The following SGCZ variants were observed in gnomAD, a reference collection of about 807,000 sequenced individuals.
SGCZ encodes zeta-sarcoglycan.
In SGCZ, 40 loss-of-function variants were observed where a neutral mutation model predicts 41.3. The ratio of observed to expected loss-of-function variants is 0.97; its 90% CI spans 0.75 to 1.26. The LOEUF (loss-of-function observed/expected upper bound fraction) is 1.26, where lower values mean the gene tolerates loss of function less well. Ranked by LOEUF, SGCZ falls within the 50% of genes most tolerant of loss-of-function variation. SGCZ has a pLI of 0.00. For synonymous variants in SGCZ, 206 were observed against 137.5 expected (o/e 1.50, Z -3.49); for missense variants, 552 against 369.8 (o/e 1.49, Z -4.04).
At chr8:14,578,178 G>A (rs577892441) in intron 1 of SGCZ, among the ~76,000 whole-genome samples, 1 of 152,184 alleles carries the variant, frequency 6.6e-6, no homozygotes, top group African/African-American at 2.4e-5. Context: ...GATAAAAAGA[G>A]AAATGGCAAA....
chr8:14,883,040 T>G (rs1804652693), intron 1 of SGCZ, among the ~76,000 whole-genome samples: 1 of 152,134 alleles, frequency 6.6e-6, no homozygotes, highest in Non-Finnish European at 1.5e-5. Flanking sequence ...CATAAAATAA[T>G]TTTTTGAAAA....
Position 14,085,019 on chromosome 8 carries a change from C to T in SGCZ, c.*5424G>A, listed in dbSNP as rs1265463680. 6.6e-6 allele frequency among the ~76,000 whole-genome samples: 1 copy of T among 151,696 alleles called. No homozygotes were observed. Among genetic ancestry groups the T allele is most frequent in the Non-Finnish European group, 1.5e-5 (1 of 67,814 alleles). On this transcript the variant is annotated 3_prime_UTR_variant, in exon 8 of 8. Transcript: ENST00000382080. ...AAGGTTTCCAATTGCCAAAACTTTG[C>T]TGCATTTTCTCTCCCCCAAAATATA... is the stretch of plus-strand genomic sequence containing the variant.
chr8:15,165,041 C>A lies in SGCZ; in HGVS notation c.39+72544G>T, dbSNP rs187438801. 1.7e-3 allele frequency among the ~76,000 whole-genome samples: 266 copies of A among 152,244 alleles called. 2 individuals carry two copies. Among genetic ancestry groups the A allele is most frequent in the Admixed American group, 0.015 (228 of 15,282 alleles). On this transcript the variant is annotated intron_variant, in intron 1 of 7. Transcript: ENST00000382080. ...GCGCAGTGGCTCATGCCTGTAATCCCAGCACTTTGGGAGGCCCAGGTGGGC... is the reference window on the plus strand; with the variant it reads ...GCGCAGTGGCTCATGCCTGTAATCCAAGCACTTTGGGAGGCCCAGGTGGGC...
At chr8:14,951,611 A>G (rs1800639681) in intron 1 of SGCZ, among the ~76,000 whole-genome samples, 1 of 152,070 alleles carries the variant, frequency 6.6e-6, no homozygotes, top group Non-Finnish European at 1.5e-5. Context: ...CAACGTCTCA[A>G]AAACTAATTA....
chr8:14,177,596 G>C (rs1360987543), intron 4 of SGCZ, among the ~76,000 whole-genome samples: 3 of 151,796 alleles, frequency 2.0e-5, no homozygotes, highest in African/African-American at 7.3e-5. Flanking sequence ...TGCAAGCTCC[G>C]CCTCCCGGGT....
chr8:15,073,154 G>A (rs527503887), intron 1 of SGCZ, among the ~76,000 whole-genome samples: 1 of 152,296 alleles, frequency 6.6e-6, no homozygotes, highest in South Asian at 2.1e-4. Flanking sequence ...AGGCAGTGGA[G>A]GAAGGGAGCT....
At chr8:15,201,242 C>T (rs939592316) in intron 1 of SGCZ, among the ~76,000 whole-genome samples, 19 of 152,174 alleles carry the variant, frequency 1.2e-4, no homozygotes, top group African/African-American at 4.1e-4. Context: ...GTCTCGAACT[C>T]CTGACCTCAA....
chr8:14,965,592 T>C (rs929361218), intron 1 of SGCZ, among the ~76,000 whole-genome samples: 1 of 152,124 alleles, frequency 6.6e-6, no homozygotes, highest in African/African-American at 2.4e-5. Context: ...CCAAAGGCTG[T>C]GAGCAATAGA....
At chr8:14,211,203 A>C (rs1024639408) in intron 4 of SGCZ, among the ~76,000 whole-genome samples, 14 of 152,132 alleles carry the variant, frequency 9.2e-5, no homozygotes, top group African/African-American at 3.4e-4. Context: ...GCAGGAGTAA[A>C]GGTGTTTTGC....
At chr8:14,392,862 G>C (rs1804824320) in intron 2 of SGCZ, among the ~76,000 whole-genome samples, 1 of 152,000 alleles carries the variant, frequency 6.6e-6, no homozygotes, top group Non-Finnish European at 1.5e-5. Context: ...GTTTGTATTT[G>C]TTATCTTTAT....
intron 1 of SGCZ, among the ~76,000 whole-genome samples, chr8:14,746,703 T>C (rs111704634): frequency 1.5e-4 from 23 of 152,334 alleles, no homozygotes; most frequent in African/African-American, 5.0e-4. Context: ...ATCATGATTA[T>C]ATGGTGACTC....
At chr8:14,607,509 T>G (rs4240170) in intron 1 of SGCZ, among the ~76,000 whole-genome samples, 94,830 of 151,904 alleles carry the variant, frequency 0.62, 29,706 homozygotes, top group East Asian at 0.72. Flanking sequence ...TTCCAATATG[T>G]TACATTGATT....
chr8:14,294,921 T>A (rs1208065531), intron 3 of SGCZ, among the ~76,000 whole-genome samples: 1 of 152,098 alleles, frequency 6.6e-6, no homozygotes, highest in African/African-American at 2.4e-5. Flanking sequence ...AAAGGCCAAG[T>A]ATTAACAGGT....
At chr8:14,832,605 A>T (rs184447977) in intron 1 of SGCZ, among the ~76,000 whole-genome samples, 3 of 152,312 alleles carry the variant, frequency 2.0e-5, no homozygotes, top group Admixed American at 1.3e-4. Context: ...ATTTTATTTT[A>T]AAAAATGTGG....
chr8:14,936,307 A>G (rs1800080783), intron 1 of SGCZ, among the ~76,000 whole-genome samples: 1 of 151,970 alleles, frequency 6.6e-6, no homozygotes, highest in Non-Finnish European at 1.5e-5. Context: ...AAATGCATTT[A>G]ATATGTCTAA....
intron 4 of SGCZ, among the ~76,000 whole-genome samples, chr8:14,203,604 C>T (rs911643545): frequency 6.6e-6 from 1 of 152,124 alleles, no homozygotes; most frequent in Non-Finnish European, 1.5e-5. Context: ...AAGGCTGAGT[C>T]ATTACAATGG....
chr8:14,694,577 C>G (rs1003172081), intron 1 of SGCZ, among the ~76,000 whole-genome samples: 1 of 152,116 alleles, frequency 6.6e-6, no homozygotes, highest in Non-Finnish European at 1.5e-5. Flanking sequence ...CTAAATAGAG[C>G]CTGCTCTGAT....
chr8:14,424,287 A>G (rs1428130670), intron 2 of SGCZ, among the ~76,000 whole-genome samples: 2 of 152,198 alleles, frequency 1.3e-5, no homozygotes, highest in African/African-American at 4.8e-5. Context: ...AGTTTTTCTC[A>G]TTATAATAAT....
At chr8:14,698,511 C>T (rs113980056) in intron 1 of SGCZ, among the ~76,000 whole-genome samples, 3,735 of 151,932 alleles carry the variant, frequency 0.025, 66 homozygotes, top group South Asian at 0.085. Flanking sequence ...TTTCTAAATA[C>T]AATCCAAATT....
Sources: allele counts gnomAD v4.1 joint callset (sites outside exome capture counted in the v4.1 genomes callset), GRCh38; gene constraint gnomAD v4.1.1; transcripts MANE v1.5; gene names NCBI Gene and HGNC (gene_info 2026-07-23, HGNC 2026-07-21).